NREP: variants seen among roughly 807,000 people sequenced by gnomAD.
The protein encoded by NREP is neuronal regeneration related protein, also known as neuronal regeneration-related protein.
A neutral mutation model predicts 8.6 loss-of-function variants in NREP; 5 were observed. That is an observed-to-expected ratio of 0.58 (90% CI 0.30 to 1.22). The LOEUF (loss-of-function observed/expected upper bound fraction) is 1.22. NREP is among the 50% of genes most tolerant of loss of function. NREP has a pLI of 0.07. For synonymous variants in NREP, 27 were observed against 28.0 expected (o/e 0.96, Z 0.11); for missense variants, 86 against 82.5 (o/e 1.04, Z -0.17).
At chr5:111,882,228 C>G (rs988375247) in intron 2 of NREP, among the ~76,000 whole-genome samples, 1 of 151,978 alleles carries the variant, frequency 6.6e-6, no homozygotes, top group African/African-American at 2.4e-5. Flanking sequence ...GAAAGGGTAT[C>G]AGTGATGGAA....
chr5:111,767,785 C>A (rs1165255954), intron 2 of NREP, among the ~76,000 whole-genome samples: 1 of 152,110 alleles, frequency 6.6e-6, no homozygotes, highest in Admixed American at 6.6e-5. Context: ...CCCACCTCAG[C>A]CTCCTGAGTA....
chr5:111,848,467 A>G (rs1753232472), intron 2 of NREP, among the ~76,000 whole-genome samples: 1 of 152,064 alleles, frequency 6.6e-6, no homozygotes, highest in Non-Finnish European at 1.5e-5. Flanking sequence ...TTGGATACAC[A>G]CCTGCCTGTT....
intron 2 of NREP, among the ~76,000 whole-genome samples, chr5:111,851,445 A>G (rs1276647593): frequency 6.6e-6 from 1 of 152,178 alleles, no homozygotes; most frequent in Non-Finnish European, 1.5e-5. Flanking sequence ...ATATATACGT[A>G]TGTGTGTGTA....
intron 2 of NREP, among the ~76,000 whole-genome samples, chr5:111,967,478 A>G (rs917270575): frequency 1.3e-5 from 2 of 152,230 alleles, no homozygotes; most frequent in African/African-American, 4.8e-5. Flanking sequence ...TGTCTACCAC[A>G]GCAAAGCTAA....
At chr5:111,970,114 A>G (rs1756768257) in intron 2 of NREP, among the ~76,000 whole-genome samples, 1 of 152,244 alleles carries the variant, frequency 6.6e-6, no homozygotes, top group South Asian at 2.1e-4. Flanking sequence ...GTTGTGTACA[A>G]CATGGATTTG....
intron 2 of NREP, among the ~76,000 whole-genome samples, chr5:111,924,794 C>A (rs929082558): frequency 6.6e-6 from 1 of 152,046 alleles, no homozygotes; most frequent in African/African-American, 2.4e-5. Context: ...ACCAGTATAG[C>A]AGTTATAGCC....
chr5:111,916,249 C>A (rs543146728), intron 2 of NREP, among the ~76,000 whole-genome samples: 3 of 151,536 alleles, frequency 2.0e-5, no homozygotes, highest in African/African-American at 7.3e-5. Context: ...CCAGGACTAC[C>A]GAGAGAGAGA....
At chr5:111,767,461 C>T (rs952597975) in intron 2 of NREP, among the ~76,000 whole-genome samples, 2 of 152,172 alleles carry the variant, frequency 1.3e-5, no homozygotes, top group Non-Finnish European at 2.9e-5. Flanking sequence ...GAAGGACCCA[C>T]AAGCATCATA....
At chr5:111,838,931 CAATT>C (rs945808059) in intron 2 of NREP, among the ~76,000 whole-genome samples, 56 of 151,838 alleles carry the variant, frequency 3.7e-4, no homozygotes, top group African/African-American at 8.2e-4. Context: ...TTTAATTAGA[CAATT>C]AAAGTATTGT....
upstream of NREP, chr5:111,757,525 T>G (rs759631109): frequency 7.2e-5 from 71 of 984,770 alleles, no homozygotes; most frequent in Non-Finnish European, 8.4e-5. Context: ...CCAGCCTTGC[T>G]GCCACTGTGC....
intron 2 of NREP, among the ~76,000 whole-genome samples, chr5:111,917,528 C>A (rs512479): frequency 0.62 from 94,373 of 151,994 alleles, 29,812 homozygotes; most frequent in Non-Finnish European, 0.65. Flanking sequence ...AGTCAGCTTC[C>A]TCCCTGGGAT....
At chr5:111,778,779 G>A (rs1751422415) in intron 2 of NREP, among the ~76,000 whole-genome samples, 1 of 152,100 alleles carries the variant, frequency 6.6e-6, no homozygotes, top group African/African-American at 2.4e-5. Context: ...GCTCTCCTAT[G>A]AAGCCCCCTC....
chr5:111,900,343 T>C (rs565582255), intron 2 of NREP, among the ~76,000 whole-genome samples: 3 of 151,460 alleles, frequency 2.0e-5, no homozygotes, highest in South Asian at 2.1e-4. Context: ...AAAATTAAAA[T>C]AAACAGTCTA....
chr5:111,949,080 C>T (rs915010483), intron 2 of NREP: 1 of 151,956 alleles, frequency 6.6e-6, no homozygotes, highest in Non-Finnish European at 1.5e-5. Context: ...TTCTGGAAAC[C>T]CTTTCTTTCT....
intron 2 of NREP, among the ~76,000 whole-genome samples, chr5:111,776,150 C>T (rs1490269681): frequency 6.6e-6 from 1 of 152,094 alleles, no homozygotes; most frequent in African/African-American, 2.4e-5. Context: ...TATAGACTCA[C>T]ATTAAAAATA....
intron 2 of NREP, among the ~76,000 whole-genome samples, chr5:111,966,598 A>C (rs1358425200): frequency 1.3e-5 from 2 of 152,208 alleles, no homozygotes. Flanking sequence ...ACATGAAAGC[A>C]GAGTAAAAAG....
chr5:111,880,710 A>G (rs1581186293), intron 2 of NREP, among the ~76,000 whole-genome samples: 1 of 150,020 alleles, frequency 6.7e-6, no homozygotes, highest in Admixed American at 6.6e-5. Flanking sequence ...AATTTAGTGC[A>G]TAACACTAGG....
intron 2 of NREP, among the ~76,000 whole-genome samples, chr5:111,798,899 T>C (rs1019181979): frequency 4.6e-5 from 7 of 152,192 alleles, no homozygotes; most frequent in African/African-American, 1.7e-4. Context: ...TGTTCAAATA[T>C]CTTTTTTGTA....
At chr5:111,906,223 G>T (rs1754774748) in intron 2 of NREP, among the ~76,000 whole-genome samples, 1 of 151,656 alleles carries the variant, frequency 6.6e-6, no homozygotes, top group Non-Finnish European at 1.5e-5. Context: ...TTTTTTAATT[G>T]GTATCTCTAT....
Sources: gnomAD v4.1 joint callset for allele counts (sites outside exome capture counted in the v4.1 genomes callset) on GRCh38, gnomAD v4.1.1 for gene constraint, MANE v1.5 for transcripts, NCBI Gene and HGNC (gene_info 2026-07-23, HGNC 2026-07-21) for gene names.